Variants in MECOM observed in about 807,000 individuals in gnomAD.
MECOM encodes the protein histone-lysine N-methyltransferase MECOM.
MECOM carries 13 observed loss-of-function variants against 116.3 expected under a neutral mutation model. The observed-to-expected ratio is 0.11, with a 90% CI of 0.07 to 0.18. The LOEUF (loss-of-function observed/expected upper bound fraction) is 0.18, where lower values mean the gene tolerates loss of function less well. Among genes scored for constraint, MECOM ranks in the 10% least tolerant of loss-of-function variants. MECOM has a pLI of 1.00. For synonymous variants in MECOM, 528 were observed against 535.2 expected, an observed-to-expected ratio of 0.99 and a Z score of 0.19; for missense variants, 1,299 against 1,509.0, an observed-to-expected ratio of 0.86 and a Z score of 2.31.
chr3:169,581,192 A>G (rs1164575859), intron 1 of MECOM, among the ~76,000 whole-genome samples: 9 of 152,216 alleles, frequency 5.9e-5, no homozygotes. Flanking sequence ...AGGAGCACCG[A>G]ATCTCTGATA....
At chr3:169,420,672 G>A (rs1432325915) in intron 1 of MECOM, among the ~76,000 whole-genome samples, 1 of 152,040 alleles carries the variant, frequency 6.6e-6, no homozygotes, top group Non-Finnish European at 1.5e-5. Flanking sequence ...CATTTTCAAG[G>A]AATAGGCTTG....
intron 2 of MECOM, among the ~76,000 whole-genome samples, chr3:169,233,708 A>C (rs983622141): frequency 1.3e-5 from 2 of 152,108 alleles, no homozygotes; most frequent in African/African-American, 2.4e-5. Flanking sequence ...ATGACATCCC[A>C]AAAAAGAACC....
chr3:169,413,811 C>T (rs924934214), intron 1 of MECOM, among the ~76,000 whole-genome samples: 7 of 152,196 alleles, frequency 4.6e-5, no homozygotes, highest in African/African-American at 1.7e-4. Context: ...TGCAGCAAGG[C>T]CACTGTAGTC....
chr3:169,088,015 C>A (rs1361712643), intron 16 of MECOM, among the ~76,000 whole-genome samples: 1 of 152,022 alleles, frequency 6.6e-6, no homozygotes, highest in Non-Finnish European at 1.5e-5. Flanking sequence ...TTGTATTATC[C>A]CATTGACACA....
At chr3:169,427,456 C>G (rs1161309041) in intron 1 of MECOM, among the ~76,000 whole-genome samples, 1 of 152,150 alleles carries the variant, frequency 6.6e-6, no homozygotes, top group Non-Finnish European at 1.5e-5. Flanking sequence ...GAAACCTCTT[C>G]AGCTATTCAA....
intron 5 of MECOM, among the ~76,000 whole-genome samples, chr3:169,125,359 C>A (rs1732484168): frequency 6.6e-6 from 1 of 152,086 alleles, no homozygotes; most frequent in Non-Finnish European, 1.5e-5. Flanking sequence ...TCCCTAGCAA[C>A]CCATACAGGC....
chr3:169,420,126 G>A (rs1739454288), intron 1 of MECOM, among the ~76,000 whole-genome samples: 1 of 152,140 alleles, frequency 6.6e-6, no homozygotes, highest in Non-Finnish European at 1.5e-5. Context: ...CTAGAGAGGA[G>A]GTGGAGAAAT....
At chr3:169,227,178 C>T (rs142428286) in intron 2 of MECOM, among the ~76,000 whole-genome samples, 2 of 152,146 alleles carry the variant, frequency 1.3e-5, no homozygotes, top group Non-Finnish European at 2.9e-5. Flanking sequence ...TTAGCAAGAG[C>T]TCACTAATGG....
At chr3:169,565,362 T>A (rs930911425) in intron 1 of MECOM, among the ~76,000 whole-genome samples, 1 of 152,280 alleles carries the variant, frequency 6.6e-6, no homozygotes, top group East Asian at 1.9e-4. Flanking sequence ...GTCCACGCAG[T>A]CTAGGGTGAA....
intron 1 of MECOM, among the ~76,000 whole-genome samples, chr3:169,425,234 G>T (rs1578062750): frequency 6.6e-6 from 1 of 151,904 alleles, no homozygotes; most frequent in East Asian, 1.9e-4. Flanking sequence ...CTACACAGAT[G>T]ACTTCAGTGG....
chr3:169,460,512 T>C (rs909198269), intron 1 of MECOM, among the ~76,000 whole-genome samples: 9 of 152,234 alleles, frequency 5.9e-5, no homozygotes, highest in Middle Eastern at 3.2e-3. Flanking sequence ...GGCATGGACA[T>C]GTTTACAAGT....
chr3:169,422,653 T>A (rs1471447960), intron 1 of MECOM, among the ~76,000 whole-genome samples: 1 of 152,066 alleles, frequency 6.6e-6, no homozygotes, highest in African/African-American at 2.4e-5. Flanking sequence ...AACACTAAAA[T>A]TTTCAAAAAC....
chr3:169,605,295 G>T (rs1163055874), intron 1 of MECOM, among the ~76,000 whole-genome samples: 1 of 152,096 alleles, frequency 6.6e-6, no homozygotes, highest in Non-Finnish European at 1.5e-5. Flanking sequence ...GCTATTTCAT[G>T]GTAGCTGCCA....
intron 5 of MECOM, among the ~76,000 whole-genome samples, chr3:169,127,082 A>T (rs1419164859): frequency 6.6e-6 from 1 of 152,108 alleles, no homozygotes; most frequent in East Asian, 1.9e-4. Context: ...GAAACAAACA[A>T]AAAAACCCAT....
intron 2 of MECOM, among the ~76,000 whole-genome samples, chr3:169,215,132 C>T (rs1020318181): frequency 1.2e-4 from 18 of 150,560 alleles, no homozygotes; most frequent in East Asian, 3.9e-4. Context: ...CACAATATTC[C>T]TCAGATTAAA....
intron 2 of MECOM, among the ~76,000 whole-genome samples, chr3:169,288,211 A>T (rs1302303131): frequency 6.7e-6 from 1 of 148,392 alleles, no homozygotes; most frequent in African/African-American, 2.6e-5. Flanking sequence ...GAGAAAGAGG[A>T]AAGAGGCAAG....
intron 2 of MECOM, among the ~76,000 whole-genome samples, chr3:169,313,831 A>G (rs896443218): frequency 4.6e-5 from 7 of 152,156 alleles, no homozygotes; most frequent in African/African-American, 1.7e-4. Context: ...CCAGTTGAGA[A>G]GTAAGAGAGG....
chr3:169,617,557 G>A (rs148321002), intron 1 of MECOM, among the ~76,000 whole-genome samples: 1 of 152,170 alleles, frequency 6.6e-6, no homozygotes, highest in Non-Finnish European at 1.5e-5. Context: ...CAGTCCAAAT[G>A]AAGTTAAGAA....
At chr3:169,272,211 T>G (rs1051089397) in intron 2 of MECOM, among the ~76,000 whole-genome samples, 1 of 152,214 alleles carries the variant, frequency 6.6e-6, no homozygotes, top group Non-Finnish European at 1.5e-5. Flanking sequence ...GAGTCTCTCC[T>G]GAGACTCATG....
Sources: gnomAD v4.1 joint callset for allele counts (sites outside exome capture counted in the v4.1 genomes callset) on GRCh38, gnomAD v4.1.1 for gene constraint, MANE v1.5 for transcripts, NCBI Gene and HGNC (gene_info 2026-07-23, HGNC 2026-07-21) for gene names.